METTL25: variants seen among roughly 807,000 people sequenced by gnomAD.
METTL25 encodes probable methyltransferase-like protein 25.
Under a neutral mutation model 71.6 loss-of-function variants are expected in METTL25, and 64 were observed. The observed-to-expected ratio is 0.89, with a 90% CI of 0.73 to 1.10. The LOEUF (loss-of-function observed/expected upper bound fraction) is 1.10, where lower values mean the gene tolerates loss of function less well. Among genes scored for constraint, METTL25 ranks in the 50% least tolerant of loss-of-function variants. The pLI, the probability that METTL25 is intolerant of heterozygous loss-of-function variation, is 0.00. For synonymous variants in METTL25, 287 were observed against 250.3 expected, an observed-to-expected ratio of 1.15 and a Z score of -1.38; for missense variants, 807 against 707.0, an observed-to-expected ratio of 1.14 and a Z score of -1.60.
At chr12:82,451,156 T>A (rs1390559038) in intron 8 of METTL25, 2 of 225,344 alleles carry the variant, frequency 8.9e-6, no homozygotes, top group Admixed American at 6.5e-5. Context: ...TTCTCCAGAT[T>A]GTTGTCCTAA....
intron 3 of METTL25, among the ~76,000 whole-genome samples, chr12:82,390,934 G>C (rs1484302022): frequency 6.6e-6 from 1 of 152,060 alleles, no homozygotes; most frequent in African/African-American, 2.4e-5. Flanking sequence ...ATTAAGAGCA[G>C]TAATAATGGG....
At chr12:82,469,296 A>G (rs1334561902) in intron 9 of METTL25, among the ~76,000 whole-genome samples, 4 of 152,146 alleles carry the variant, frequency 2.6e-5, no homozygotes, top group African/African-American at 9.7e-5. Context: ...TCACACTGCT[A>G]TAAAGAACTG....
At chr12:82,450,057 T>C (rs1053533280) in intron 8 of METTL25, among the ~76,000 whole-genome samples, 2 of 152,196 alleles carry the variant, frequency 1.3e-5, no homozygotes, top group Admixed American at 6.5e-5. Flanking sequence ...TTCCACTCTT[T>C]ATTGAAACAC....
chr12:82,465,158 G>C (rs1001417223), intron 9 of METTL25, among the ~76,000 whole-genome samples: 2 of 151,798 alleles, frequency 1.3e-5, no homozygotes, highest in African/African-American at 4.8e-5. Flanking sequence ...AGAGTGGTAA[G>C]ACTGGGCATC....
intron 5 of METTL25, among the ~76,000 whole-genome samples, chr12:82,418,053 TCC>T (rs1888142236): frequency 6.6e-6 from 1 of 152,144 alleles, no homozygotes; most frequent in Admixed American, 6.6e-5. Context: ...ATTGCTGGAA[TCC>T]ATATGGAAGG....
Position 82,444,168 on chromosome 12 carries a change from A to T in METTL25, c.1478+5377A>T, listed in dbSNP as rs530534961. On this transcript the variant is annotated intron_variant, in intron 8 of 11. Coordinates refer to ENST00000248306, the MANE Select transcript of METTL25 (RefSeq NM_032230.3). Reference sequence around the variant, plus strand: ...CTCAAAAGTAAAAGACAAAGAAAGGATCAAAAAAGCAGCAAGGGAAAAGCA... The same window carrying T: ...CTCAAAAGTAAAAGACAAAGAAAGGTTCAAAAAAGCAGCAAGGGAAAAGCA... Among the ~76,000 whole-genome samples, 13 of 152,318 alleles carry T rather than the reference A, an allele frequency of 8.5e-5. No individual in the cohort carries two copies. The South Asian group carries it at 2.5e-3, about 29-fold the overall frequency.
chr12:82,372,515 A>C (rs1208992541), intron 1 of METTL25, among the ~76,000 whole-genome samples: 3 of 152,156 alleles, frequency 2.0e-5, no homozygotes, highest in Non-Finnish European at 4.4e-5. Context: ...GCTTGGACAT[A>C]AGGTATTTCA....
intron 1 of METTL25, among the ~76,000 whole-genome samples, chr12:82,366,509 A>T (rs1235219796): frequency 6.6e-6 from 1 of 151,994 alleles, no homozygotes; most frequent in East Asian, 1.9e-4. Flanking sequence ...TTTTACTACC[A>T]TTTTAATTGA....
intron 1 of METTL25, 48 bp from the exon 2 acceptor site, chr12:82,386,755 T>C: frequency 6.9e-7 from 1 of 1,449,762 alleles, no homozygotes; most frequent in Non-Finnish European, 9.6e-7. Context: ...ATCACACTAA[T>C]TAACCATTAA....
chr12:82,451,091 A>G (rs1327335354), intron 8 of METTL25, among the ~76,000 whole-genome samples: 1 of 152,130 alleles, frequency 6.6e-6, no homozygotes, highest in African/African-American at 2.4e-5. Context: ...ACTCCAGAGT[A>G]TTTTAGAAAA....
intron 8 of METTL25, among the ~76,000 whole-genome samples, chr12:82,441,339 G>A (rs1309521142): frequency 6.6e-6 from 1 of 150,542 alleles, no homozygotes; most frequent in Non-Finnish European, 1.5e-5. Context: ...CAAATAACTA[G>A]CTATGTGATG....
At chr12:82,458,814 G>T (rs962366895) in intron 9 of METTL25, among the ~76,000 whole-genome samples, 19 of 151,956 alleles carry the variant, frequency 1.3e-4, no homozygotes, top group African/African-American at 4.6e-4. Flanking sequence ...AAATACCTAG[G>T]TCCAGCCAAA....
chr12:82,410,909 T>C (rs1887510974), intron 5 of METTL25, among the ~76,000 whole-genome samples: 1 of 152,004 alleles, frequency 6.6e-6, no homozygotes, highest in Non-Finnish European at 1.5e-5. Flanking sequence ...ATTCAAATCC[T>C]TTAAGGGAAC....
chr12:82,372,200 TC>T (rs1883314635), intron 1 of METTL25, among the ~76,000 whole-genome samples: 1 of 152,142 alleles, frequency 6.6e-6, no homozygotes, highest in Non-Finnish European at 1.5e-5. Context: ...TCTGAATGCT[TC>T]CCCAGGTCTG....
At chr12:82,373,903 A>C (rs1187212895) in intron 1 of METTL25, 2 of 152,716 alleles carry the variant, frequency 1.3e-5, no homozygotes, top group African/African-American at 4.8e-5. Context: ...GCCCGGTATT[A>C]GCCCCCGAAT....
intron 5 of METTL25, among the ~76,000 whole-genome samples, chr12:82,413,629 A>T (rs1718743770): frequency 6.6e-6 from 1 of 152,056 alleles, no homozygotes; most frequent in Non-Finnish European, 1.5e-5. Flanking sequence ...GTGAAGCAAG[A>T]GAGGGGTTAA....
chr12:82,399,499 A>G (rs758368862), intron 4 of METTL25, 105 bp downstream of exon 4: 27 of 892,710 alleles, frequency 3.0e-5, no homozygotes, highest in Non-Finnish European at 4.4e-5. Flanking sequence ...CATTAATCTA[A>G]CAGACCAAGA....
At chr12:82,470,160 G>C (rs1892486626) in intron 9 of METTL25, among the ~76,000 whole-genome samples, 1 of 152,174 alleles carries the variant, frequency 6.6e-6, no homozygotes, top group Non-Finnish European at 1.5e-5. Flanking sequence ...AATCTGATTT[G>C]AGACTTTATT....
At chr12:82,366,121 C>A (rs1365939621) in intron 1 of METTL25, among the ~76,000 whole-genome samples, 3 of 151,972 alleles carry the variant, frequency 2.0e-5, no homozygotes, top group African/African-American at 7.3e-5. Context: ...GAATACCTGG[C>A]CTCATTTGTT....
Sources: gnomAD v4.1 joint callset for allele counts (sites outside exome capture counted in the v4.1 genomes callset) on GRCh38, gnomAD v4.1.1 for gene constraint, MANE v1.5 for transcripts, NCBI Gene and HGNC (gene_info 2026-07-23, HGNC 2026-07-21) for gene names.